The following FAM180A variants were observed in gnomAD, a reference collection of about 807,000 sequenced individuals.
The protein encoded by FAM180A is protein FAM180A.
FAM180A carries 14 observed loss-of-function variants against 15.3 expected under a neutral mutation model. That is an observed-to-expected ratio of 0.92 (90% CI 0.61 to 1.43). The LOEUF (loss-of-function observed/expected upper bound fraction) is 1.43, where lower values mean the gene tolerates loss of function less well. FAM180A is among the 40% of genes most tolerant of loss of function. FAM180A has a pLI of 0.00. For missense variants in FAM180A, 200 were observed against 220.8 expected (o/e 0.91, Z 0.60); for synonymous variants, 90 against 96.8 (o/e 0.93, Z 0.41).
At chr7:135,736,788 G>A (rs1056672793) in intron 2 of FAM180A, among the ~76,000 whole-genome samples, 9 of 152,086 alleles carry the variant, frequency 5.9e-5, no homozygotes, top group African/African-American at 2.2e-4. Context: ...CCTTTGCTTG[G>A]GAATATTGCC....
intron 1 of FAM180A, among the ~76,000 whole-genome samples, chr7:135,740,126 T>G (rs1420871001): frequency 6.6e-6 from 1 of 152,212 alleles, no homozygotes; most frequent in East Asian, 1.9e-4. Context: ...AGGAAGCCTT[T>G]GCCCCTGTTT....
intron 1 of FAM180A, among the ~76,000 whole-genome samples, chr7:135,741,248 A>G (rs1796945573): frequency 6.6e-6 from 1 of 152,250 alleles, no homozygotes; most frequent in African/African-American, 2.4e-5. Flanking sequence ...GTCATTTCCA[A>G]TAGCTCTTGG....
At chr7:135,748,355 G>A in intron 1 of FAM180A, 150 bp downstream of exon 1, 1 of 675,826 alleles carries the variant, frequency 1.5e-6, no homozygotes, top group East Asian at 2.6e-5. Flanking sequence ...CCTCTAAGAA[G>A]GGGGAACACG....
intron 1 of FAM180A, among the ~76,000 whole-genome samples, chr7:135,744,846 A>C (rs987751330): frequency 1.3e-5 from 2 of 152,190 alleles, no homozygotes; most frequent in South Asian, 2.1e-4. Context: ...CAGAGTTACT[A>C]TGGAGAGAGG....
In FAM180A at chr7:135,737,176, G is replaced by C. The variant is rs751211159; in HGVS notation, c.100C>G (p.Arg34Gly). Residue 34 changes from arginine (R) to glycine (G), a missense_variant, in exon 2 of 4, where the codon CGG becomes GGG. By Grantham distance (125) the Arg-to-Gly change is moderately radical. Transcript: ENST00000338588. ...GGCAGTGATGAGGACCTCTTTGGCC[G>C]GTGGGCGGCAGGGAAGAGCACAGCT... ...SRAVLFPAAH[R>G]PKRSSSLPLN... 1.2e-6 allele frequency: 2 copies of C among 1,607,056 alleles called. No individual in the cohort carries two copies. Among genetic ancestry groups the C allele is most frequent in the Non-Finnish European group, 1.7e-6 (2 of 1,177,618 alleles).
At chr7:135,746,937 T>C (rs909096488) in intron 1 of FAM180A, among the ~76,000 whole-genome samples, 5 of 152,000 alleles carry the variant, frequency 3.3e-5, no homozygotes, top group Admixed American at 3.3e-4. Context: ...CCATCTCTAC[T>C]AAAAATACAA....
intron 3 of FAM180A, among the ~76,000 whole-genome samples, chr7:135,731,721 T>C (rs1796785003): frequency 6.6e-6 from 1 of 152,242 alleles, no homozygotes; most frequent in Admixed American, 6.5e-5. Context: ...AGCCTGAGAA[T>C]ATCAGGATGC....
chr7:135,732,083 T>C (rs1374674553), intron 3 of FAM180A, among the ~76,000 whole-genome samples: 2 of 152,166 alleles, frequency 1.3e-5, no homozygotes. Context: ...TTATTTAACA[T>C]AGAATTATAA....
intron 1 of FAM180A, among the ~76,000 whole-genome samples, chr7:135,738,240 G>A (rs1796898542): frequency 6.6e-6 from 1 of 152,226 alleles, no homozygotes; most frequent in African/African-American, 2.4e-5. Context: ...TGCCCAGGCT[G>A]GAGTGCAGTG....
chr7:135,734,140 C>G lies in FAM180A; in HGVS notation c.357G>C (p.Lys119Asn), dbSNP rs1796836054. The G allele has an allele frequency of 6.2e-7, 1 of 1,614,048 alleles. No homozygotes were observed. The highest frequency in any genetic ancestry group is 8.5e-7 in the Non-Finnish European group (1 of 1,180,038). The change falls in exon 3 of 4, where the codon AAG becomes AAC. Residue 119 changes from lysine to asparagine, a missense_variant. Transcript: ENST00000338588. ...GCACTGTCCTTTCAAAGTCTTCTTT[C>G]TTGAGGATGCCAGGGTGGCTGGAGA... ...ASLSSHPGIL[K>N]KEDFERTVLT...
At chr7:135,739,692 A>AAG (rs1261387627) in intron 1 of FAM180A, among the ~76,000 whole-genome samples, 1 of 151,606 alleles carries the variant, frequency 6.6e-6, no homozygotes, top group Non-Finnish European at 1.5e-5. Context: ...AAAAAAAAAA[A>AAG]AAAGGAAACA....
chr7:135,739,997 G>C (rs966804628), intron 1 of FAM180A, among the ~76,000 whole-genome samples: 1 of 152,194 alleles, frequency 6.6e-6, no homozygotes, highest in African/African-American at 2.4e-5. Flanking sequence ...GCCAGACCAT[G>C]CTCAGGGAAG....
chr7:135,736,464 C>T (rs1451866557), intron 2 of FAM180A, among the ~76,000 whole-genome samples: 1 of 152,218 alleles, frequency 6.6e-6, no homozygotes, highest in Non-Finnish European at 1.5e-5. Flanking sequence ...GAAACAGTGG[C>T]TTATGCAAGG....
rs1464797251 is a variant in FAM180A, at chr7:135,748,709, G to A, written c.-129C>T. 2 of 761,996 alleles carry A rather than the reference G, an allele frequency of 2.6e-6. No homozygotes were observed. The highest frequency in any genetic ancestry group is 4.6e-6 in the Non-Finnish European group (2 of 433,524). 47.2% of individuals were successfully genotyped at this position (761,996 alleles called of 1,614,324 possible). On this transcript the variant is annotated 5_prime_UTR_variant, in exon 1 of 4. Coordinates refer to ENST00000338588, the MANE Select transcript of FAM180A (RefSeq NM_205855.4). ...CCTCCCTTCCTTTTGCAGACGTGCAGAAATGCCTACTCTGCCTCAGAAGGC... is the reference window on the plus strand; with the variant it reads ...CCTCCCTTCCTTTTGCAGACGTGCAAAAATGCCTACTCTGCCTCAGAAGGC...
chr7:135,730,067 A>ATTAC lies in FAM180A; in HGVS notation c.*543_*544insGTAA, dbSNP rs1796759608. 1.0e-6 allele frequency: 1 copy of ATTAC among 985,262 alleles called. No homozygotes were observed. The highest frequency in any genetic ancestry group is 1.7e-5 in the African/African-American group (1 of 57,230). The allele number at this position is 985,262 out of a possible 1,614,324, so 61.0% of individuals were successfully genotyped here. ...ATTAGGAAAGTAAGGGGTGTTGTAAAAAGTCATTTAACAAGCATTTGATTT... is the reference window on the plus strand; with the variant it reads ...ATTAGGAAAGTAAGGGGTGTTGTAAATTACAAGTCATTTAACAAGCATTTGATTT... On this transcript the variant is annotated 3_prime_UTR_variant, in exon 4 of 4. Coordinates refer to ENST00000338588, the MANE Select transcript of FAM180A (RefSeq NM_205855.4).
chr7:135,739,326 A>AAT (rs1433735550), intron 1 of FAM180A, among the ~76,000 whole-genome samples: 6 of 140,318 alleles, frequency 4.3e-5, no homozygotes, highest in Non-Finnish European at 9.3e-5. Flanking sequence ...AAAAAAAAAA[A>AAT]AATGCTGGGC....
At chr7:135,747,505 A>G (rs909735195) in intron 1 of FAM180A, among the ~76,000 whole-genome samples, 1 of 152,122 alleles carries the variant, frequency 6.6e-6, no homozygotes, top group Admixed American at 6.5e-5. Context: ...TAAGTACAGT[A>G]GCTTTTGCCT....
chr7:135,748,731 A>C lies in FAM180A; in HGVS notation c.-151T>G. ...GCAGAAATGCCTACTCTGCCTCAGAAGGCTGGAGGCTGAAGGCTGCGTCCT... is the reference window on the plus strand; with the variant it reads ...GCAGAAATGCCTACTCTGCCTCAGACGGCTGGAGGCTGAAGGCTGCGTCCT... On this transcript the variant is annotated 5_prime_UTR_variant, in exon 1 of 4. Coordinates refer to ENST00000338588, the MANE Select transcript of FAM180A (RefSeq NM_205855.4). The C allele has an allele frequency of 1.5e-6, 1 of 675,874 alleles. No individual in the cohort carries two copies. The highest frequency in any genetic ancestry group is 2.6e-6 in the Non-Finnish European group (1 of 379,290). 41.9% of individuals were successfully genotyped at this position (675,874 alleles called of 1,614,324 possible).
At chr7:135,738,448 C>T (rs1720724948) in intron 1 of FAM180A, among the ~76,000 whole-genome samples, 1 of 152,206 alleles carries the variant, frequency 6.6e-6, no homozygotes, top group African/African-American at 2.4e-5. Flanking sequence ...CCTGCCTCAG[C>T]CTCCCAAAGT....
Sources: gnomAD v4.1 joint callset for allele counts (sites outside exome capture counted in the v4.1 genomes callset) on GRCh38, gnomAD v4.1.1 for gene constraint, MANE v1.5 for transcripts, NCBI Gene and HGNC (gene_info 2026-07-23, HGNC 2026-07-21) for gene names.